SOX6: variants seen among roughly 807,000 people sequenced by gnomAD.
The protein encoded by SOX6 is transcription factor SOX-6.
In SOX6, 11 loss-of-function variants were observed where a neutral mutation model predicts 97.8. That is an observed-to-expected ratio of 0.11 (90% CI 0.07 to 0.19). The LOEUF (loss-of-function observed/expected upper bound fraction) is 0.19, where lower values mean the gene tolerates loss of function less well. Among genes scored for constraint, SOX6 ranks in the 10% least tolerant of loss-of-function variants. SOX6 has a pLI of 1.00. For missense variants in SOX6, 810 were observed against 1,039.5 expected (o/e 0.78, Z 3.04); for synonymous variants, 360 against 371.4 (o/e 0.97, Z 0.35).
chr11:16,452,577 C>G (rs1160159578), intron 1 of SOX6, among the ~76,000 whole-genome samples: 1 of 151,978 alleles, frequency 6.6e-6, no homozygotes, highest in East Asian at 1.9e-4. Flanking sequence ...TTCAGTAGTT[C>G]TAAAACAAAA....
At chr11:16,137,453 A>C (rs1375878719) in intron 6 of SOX6, among the ~76,000 whole-genome samples, 1 of 152,054 alleles carries the variant, frequency 6.6e-6, no homozygotes, top group Non-Finnish European at 1.5e-5. Flanking sequence ...AAAATAAATA[A>C]ATAAATAGCA....
intron 9 of SOX6, among the ~76,000 whole-genome samples, chr11:16,078,819 T>C (rs1848412699): frequency 6.6e-6 from 1 of 152,084 alleles, no homozygotes; most frequent in Non-Finnish European, 1.5e-5. Context: ...CATGTCATTA[T>C]ATGAGGACAG....
intron 4 of SOX6, among the ~76,000 whole-genome samples, chr11:16,530,435 G>A (rs1370664239): frequency 6.6e-6 from 1 of 151,906 alleles, no homozygotes; most frequent in East Asian, 1.9e-4. Context: ...CAAAATGGGA[G>A]GTGGAAGACT....
chr11:16,434,096 T>C (rs750385585), intron 1 of SOX6: 7 of 152,182 alleles, frequency 4.6e-5, no homozygotes, highest in Non-Finnish European at 1.0e-4. Flanking sequence ...ACATTATAAA[T>C]ATTAATTATA....
chr11:16,452,593 T>C (rs1029902792), intron 1 of SOX6, among the ~76,000 whole-genome samples: 1 of 152,190 alleles, frequency 6.6e-6, no homozygotes, highest in African/African-American at 2.4e-5. Flanking sequence ...CAAAAAAATC[T>C]GTAGTGCTTT....
intron 3 of SOX6, among the ~76,000 whole-genome samples, chr11:16,280,133 T>C (rs1381889742): frequency 1.3e-5 from 2 of 152,132 alleles, no homozygotes; most frequent in Non-Finnish European, 2.9e-5. Flanking sequence ...TGGACATATG[T>C]ATATGTTTTC....
chr11:16,004,367 T>G (rs1430665816), intron 13 of SOX6, among the ~76,000 whole-genome samples: 13 of 152,138 alleles, frequency 8.5e-5, no homozygotes, highest in Non-Finnish European at 1.8e-4. Flanking sequence ...ATTGTTTCAA[T>G]GGCATCCAAA....
intron 4 of SOX6, among the ~76,000 whole-genome samples, chr11:16,201,636 C>CTTTT (rs1314415957): frequency 5.7e-5 from 6 of 104,686 alleles, no homozygotes; most frequent in Non-Finnish European, 7.5e-5. Flanking sequence ...TTTTTTTTTT[C>CTTTT]TTTTTTTTTT....
chr11:16,384,125 A>G (rs1385788582), intron 1 of SOX6, among the ~76,000 whole-genome samples: 1 of 151,946 alleles, frequency 6.6e-6, no homozygotes, highest in African/African-American at 2.4e-5. Flanking sequence ...CCTCATATAT[A>G]TTATACCAAA....
At chr11:16,258,040 A>G (rs1054096626) in intron 3 of SOX6, among the ~76,000 whole-genome samples, 1 of 152,098 alleles carries the variant, frequency 6.6e-6, no homozygotes, top group Middle Eastern at 3.4e-3. Context: ...TAGAAGGAAC[A>G]AAATAGAAAA....
rs1210684048 is a variant in SOX6 at position 16,607,845 on chromosome 11, G to C, written n.609+4236C>G. ...ACAGGCAAGATGAGACAAGAGGCGA[G>C]GGAGGCAGCGAGCCAGGCAGAGAAG... On this transcript the variant is annotated intron_variant and non_coding_transcript_variant, in intron 4 of 5. Coordinates refer to the SOX6 transcript ENST00000524520. This position sits in a 1 kb window ranked among gnomAD's most constrained non-coding sequence, Gnocchi z 6.5. 6.5e-6 allele frequency: 1 copy of C among 153,012 alleles called. No homozygotes were observed. Among genetic ancestry groups the C allele is most frequent in the Non-Finnish European group, 1.5e-5 (1 of 68,630 alleles). The allele number at this position is 153,012 out of a possible 1,614,324, so 9.5% of individuals were successfully genotyped here.
chr11:16,687,049 T>A (rs982127064), intron 3 of SOX6, among the ~76,000 whole-genome samples: 1 of 151,886 alleles, frequency 6.6e-6, no homozygotes, highest in Non-Finnish European at 1.5e-5. Context: ...CACTTGAACG[T>A]GAGAGGCAGA....
chr11:15,993,338 A>G (rs1426383422), intron 13 of SOX6, among the ~76,000 whole-genome samples: 1 of 152,214 alleles, frequency 6.6e-6, no homozygotes, highest in Non-Finnish European at 1.5e-5. Flanking sequence ...TTAAATAGCC[A>G]GTAGTCTGCA....
intron 3 of SOX6, chr11:16,317,005 G>A (rs1855774300): frequency 6.6e-6 from 1 of 151,746 alleles, no homozygotes; most frequent in African/African-American, 2.4e-5. Context: ...GTAAATAGGA[G>A]AAAATTAGAA....
At chr11:16,559,402 T>C (rs920390936) in intron 4 of SOX6, among the ~76,000 whole-genome samples, 2 of 152,054 alleles carry the variant, frequency 1.3e-5, no homozygotes, top group East Asian at 1.9e-4. Flanking sequence ...GTCTTTGCCA[T>C]AAAAATCTCG....
upstream of SOX6, among the ~76,000 whole-genome samples, chr11:16,359,806 T>A (rs572586865): frequency 1.3e-5 from 2 of 152,302 alleles, no homozygotes; most frequent in East Asian, 3.9e-4. Context: ...ACCTAATGGC[T>A]AATGGTACTG....
At chr11:16,646,910 G>T (rs1849022974) in intron 3 of SOX6, among the ~76,000 whole-genome samples, 1 of 152,314 alleles carries the variant, frequency 6.6e-6, no homozygotes, top group East Asian at 1.9e-4. Flanking sequence ...CCAGTAGTGG[G>T]ATTGCTGGAC....
rs1296202146 is a variant in SOX6, at chr11:15,972,569, A to C, written c.*240T>G. ...TAAGTTTCAAGTCCTGGTGTCTCAT[A>C]TTTAATATGTCTTCACCTAAATTAA... is the stretch of plus-strand genomic sequence containing the variant. On this transcript the variant is annotated 3_prime_UTR_variant, in exon 16 of 16. Coordinates refer to ENST00000683767, the MANE Select transcript of SOX6 (RefSeq NM_001367873.1). 19 of 542,282 alleles carry C rather than the reference A, an allele frequency of 3.5e-5. No individual in the cohort carries two copies. The highest frequency in any genetic ancestry group is 4.6e-5 in the Non-Finnish European group (14 of 304,366). 33.6% of individuals were successfully genotyped at this position (542,282 alleles called of 1,614,324 possible).
At chr11:16,348,523 G>T (rs914065564) in intron 1 of SOX6, among the ~76,000 whole-genome samples, 3 of 151,958 alleles carry the variant, frequency 2.0e-5, no homozygotes, top group Non-Finnish European at 2.9e-5. Flanking sequence ...TTAATAATAA[G>T]ATTTATTCAT....
Sources: gnomAD v4.1 joint callset for allele counts (sites outside exome capture counted in the v4.1 genomes callset) on GRCh38, gnomAD v4.1.1 for gene constraint, Gnocchi (gnomAD v3.1) non-coding constraint, MANE v1.5 for transcripts, NCBI Gene and HGNC (gene_info 2026-07-23, HGNC 2026-07-21) for gene names.